HPSE2: variants seen among roughly 807,000 people sequenced by gnomAD.
HPSE2 encodes the protein heparanase 2 (inactive), also known as inactive heparanase-2.
Under a neutral mutation model 60.5 loss-of-function variants are expected in HPSE2, and 38 were observed. The observed-to-expected ratio is 0.63, with a 90% CI of 0.48 to 0.82. The LOEUF (loss-of-function observed/expected upper bound fraction) is 0.82, where lower values mean the gene tolerates loss of function less well. Ranked by LOEUF, HPSE2 falls within the 40% of genes least tolerant of loss-of-function variation. The probability of loss-of-function intolerance (pLI) is 0.00; values close to 1 mark genes in which losing one functional copy is unlikely to be tolerated. For missense variants in HPSE2, 713 were observed against 740.4 expected (o/e 0.96, Z 0.43); for synonymous variants, 295 against 293.2 (o/e 1.01, Z -0.06).
At chr10:98,957,716 A>T (rs997566671) in intron 3 of HPSE2, among the ~76,000 whole-genome samples, 1 of 152,104 alleles carries the variant, frequency 6.6e-6, no homozygotes, top group Non-Finnish European at 1.5e-5. Context: ...GCTTTTCCCA[A>T]TTGTGACTTT....
At chr10:98,909,817 C>T (rs1238730749) in intron 3 of HPSE2, among the ~76,000 whole-genome samples, 1 of 151,824 alleles carries the variant, frequency 6.6e-6, no homozygotes. Context: ...AACTTAAATG[C>T]CATTCACACA....
intron 3 of HPSE2, among the ~76,000 whole-genome samples, chr10:98,775,774 C>T (rs1406349770): frequency 6.6e-6 from 1 of 152,086 alleles, no homozygotes; most frequent in East Asian, 1.9e-4. Flanking sequence ...TCCAGGCCAG[C>T]GATATCAATC....
At chr10:98,577,919 G>A (rs182833896) in intron 9 of HPSE2, among the ~76,000 whole-genome samples, 1 of 152,256 alleles carries the variant, frequency 6.6e-6, no homozygotes, top group African/African-American at 2.4e-5. Context: ...CTAGGGTTAA[G>A]AAACCTTTTC....
chr10:99,051,538 T>C (rs1301462530), intron 3 of HPSE2, among the ~76,000 whole-genome samples: 1 of 151,990 alleles, frequency 6.6e-6, no homozygotes, highest in Non-Finnish European at 1.5e-5. Context: ...GAAAAAGCCA[T>C]AGAAAAGGGA....
intron 2 of HPSE2, among the ~76,000 whole-genome samples, chr10:99,153,601 T>C (rs1178908777): frequency 1.3e-5 from 2 of 151,896 alleles, no homozygotes; most frequent in African/African-American, 4.8e-5. Context: ...AACCCATCTG[T>C]ACATCACCAT....
At chr10:99,188,165 C>T (rs1055415277) in intron 2 of HPSE2, among the ~76,000 whole-genome samples, 1 of 152,092 alleles carries the variant, frequency 6.6e-6, no homozygotes, top group African/African-American at 2.4e-5. Flanking sequence ...ATAATACTTA[C>T]AATAAAAAGA....
At chr10:98,698,457 A>C (rs1439010583) in intron 5 of HPSE2, among the ~76,000 whole-genome samples, 5 of 151,490 alleles carry the variant, frequency 3.3e-5, no homozygotes, top group South Asian at 4.2e-4. Flanking sequence ...ACAAAGACAC[A>C]ACATACCAGA....
intron 3 of HPSE2, among the ~76,000 whole-genome samples, chr10:98,901,860 A>C (rs1456753968): frequency 6.6e-6 from 1 of 152,176 alleles, no homozygotes; most frequent in East Asian, 1.9e-4. Context: ...ATAAGGATTA[A>C]AGAGGTAATG....
At position 99,232,226 on chromosome 10, in the gene HPSE2, C is replaced by T. The variant is rs1223523547; in HGVS notation, c.448+122G>A. 9,153 of 958,204 alleles carry T rather than the reference C, an allele frequency of 9.6e-3. 194 individuals carry two copies. The highest frequency in any genetic ancestry group is 0.01 in the South Asian group (621 of 60,072). The allele number at this position is 958,204 out of a possible 1,614,324, so 59.4% of individuals were successfully genotyped here. On this transcript the variant is annotated intron_variant, in intron 2 of 11. Transcript: ENST00000370552. Reference sequence around the variant, plus strand: ...GCGCGCGCGCGCATACACACACACACACACACACACACACACACACACACA... The same window carrying T: ...GCGCGCGCGCGCATACACACACACATACACACACACACACACACACACACA...
chr10:99,193,309 CA>C (rs1365575654), intron 2 of HPSE2, among the ~76,000 whole-genome samples: 4 of 151,880 alleles, frequency 2.6e-5, no homozygotes, highest in Non-Finnish European at 5.9e-5. Context: ...GAAACTATAA[CA>C]TACTACCAAA....
chr10:98,886,989 A>G (rs1480410630), intron 3 of HPSE2, among the ~76,000 whole-genome samples: 1 of 152,182 alleles, frequency 6.6e-6, no homozygotes, highest in Non-Finnish European at 1.5e-5. Context: ...GGCAAAGCAG[A>G]CTTAATGGTT....
intron 3 of HPSE2, among the ~76,000 whole-genome samples, chr10:98,848,580 T>G (rs778825481): frequency 4.6e-5 from 7 of 152,138 alleles, no homozygotes; most frequent in Middle Eastern, 3.2e-3. Flanking sequence ...CCAAAACAGA[T>G]GAGTCAGAGT....
chr10:98,950,302 C>A (rs1183713149), intron 3 of HPSE2, among the ~76,000 whole-genome samples: 1 of 152,032 alleles, frequency 6.6e-6, no homozygotes, highest in Admixed American at 6.6e-5. Flanking sequence ...TAGATCCAGC[C>A]CACCCACACA....
chr10:98,493,538 T>C (rs1426395136), intron 9 of HPSE2, among the ~76,000 whole-genome samples: 3 of 152,198 alleles, frequency 2.0e-5, no homozygotes, highest in Non-Finnish European at 1.5e-5. Context: ...TATTAATATA[T>C]AATTTCCTTC....
Position 98,542,730 on chromosome 10 carries a change from G to A in HPSE2, c.1321-52534C>T, listed in dbSNP as rs1488037232. Among the ~76,000 whole-genome samples the A allele has an allele frequency of 3.5e-4, 53 of 151,136 alleles. 1 individual carries two copies. In the South Asian group the frequency reaches 4.6e-3, roughly 13 times the overall value. On this transcript the variant is annotated intron_variant, in intron 9 of 11. Transcript: ENST00000370552. ...ATCAACTGGAAGAAAGGGTATCAGC[G>A]ATGGAAGATGAAATGAATGAAATGA...
At chr10:98,695,362 C>T (rs868461952) in intron 5 of HPSE2, among the ~76,000 whole-genome samples, 3 of 152,052 alleles carry the variant, frequency 2.0e-5, no homozygotes, top group South Asian at 2.1e-4. Flanking sequence ...TTCTCCAGTA[C>T]GATTCAGCAG....
chr10:99,147,896 C>T (rs1186885243), intron 2 of HPSE2, among the ~76,000 whole-genome samples: 1 of 152,000 alleles, frequency 6.6e-6, no homozygotes, highest in Non-Finnish European at 1.5e-5. Flanking sequence ...AGGCTGAAAT[C>T]CCAAAAATGG....
chr10:98,639,084 G>T (rs1196134232), intron 7 of HPSE2, among the ~76,000 whole-genome samples: 1 of 152,160 alleles, frequency 6.6e-6, no homozygotes. Flanking sequence ...TCAATGAACA[G>T]GATATGGCTA....
chr10:98,979,474 A>AT (rs1247833258), intron 3 of HPSE2, among the ~76,000 whole-genome samples: 1 of 152,194 alleles, frequency 6.6e-6, no homozygotes, highest in East Asian at 1.9e-4. Flanking sequence ...TTATAGTCAC[A>AT]TTACTCAAGG....
Sources: allele counts gnomAD v4.1 joint callset (sites outside exome capture counted in the v4.1 genomes callset), GRCh38; gene constraint gnomAD v4.1.1; transcripts MANE v1.5; gene names NCBI Gene and HGNC (gene_info 2026-07-23, HGNC 2026-07-21).